POLN: variants seen among roughly 807,000 people sequenced by gnomAD.
POLN encodes DNA polymerase N.
A neutral mutation model predicts 113.5 loss-of-function variants in POLN; 108 were observed. That is an observed-to-expected ratio of 0.95 (90% CI 0.81 to 1.12). POLN has a LOEUF of 1.12. Ranked by LOEUF, POLN falls within the 50% of genes most tolerant of loss-of-function variation. The probability of loss-of-function intolerance (pLI) is 0.00; values close to 1 mark genes in which losing one functional copy is unlikely to be tolerated. For synonymous variants in POLN, 386 were observed against 391.5 expected, an observed-to-expected ratio of 0.99 and a Z score of 0.17; for missense variants, 1,097 against 1,077.1, an observed-to-expected ratio of 1.02 and a Z score of -0.26.
At chr4:2,217,000 G>C (rs1487493285) in intron 3 of POLN, among the ~76,000 whole-genome samples, 1 of 152,222 alleles carries the variant, frequency 6.6e-6, no homozygotes, top group Admixed American at 6.5e-5. Context: ...AACTGGCCAA[G>C]TCATCCTATT....
chr4:2,150,839 G>A (rs1732274925), intron 16 of POLN, among the ~76,000 whole-genome samples: 1 of 152,198 alleles, frequency 6.6e-6, no homozygotes, highest in Admixed American at 6.5e-5. Flanking sequence ...AACAGTCATA[G>A]CTCTAAATGT....
chr4:2,217,703 C>T (rs1301288076), intron 3 of POLN, among the ~76,000 whole-genome samples: 3 of 152,228 alleles, frequency 2.0e-5, no homozygotes, highest in Non-Finnish European at 4.4e-5. Context: ...CATTGAGATT[C>T]TTCTGTTGGG....
chr4:2,241,579 A>T lies in POLN; in HGVS notation c.-72T>A. The T allele has an allele frequency of 1.0e-6, 1 of 985,742 alleles. No individual in the cohort carries two copies. The highest frequency in any genetic ancestry group is 1.2e-6 in the Non-Finnish European group (1 of 830,164). 61.1% of individuals were successfully genotyped at this position (985,742 alleles called of 1,614,324 possible). A position where few individuals can be genotyped will look rare whatever the true frequency, so the allele number is the denominator to read the frequency against. ...AGTCCACCACCGCGACGCGGAGAACAGCAGGAGCAGCAGGGAAGCGCGCGG... is the reference window on the plus strand; with the variant it reads ...AGTCCACCACCGCGACGCGGAGAACTGCAGGAGCAGCAGGGAAGCGCGCGG... On this transcript the variant is annotated 5_prime_UTR_variant, in exon 2 of 26. Coordinates refer to ENST00000511885, the MANE Select transcript of POLN (RefSeq NM_181808.4).
At chr4:2,091,966 G>C (rs551566815) in intron 20 of POLN, among the ~76,000 whole-genome samples, 1 of 152,212 alleles carries the variant, frequency 6.6e-6, no homozygotes, top group South Asian at 2.1e-4. Flanking sequence ...GGGAACATGG[G>C]CTGGTCTAGC....
intron 2 of POLN, chr4:2,236,226 A>G: frequency 6.3e-7 from 1 of 1,581,044 alleles, no homozygotes; most frequent in Non-Finnish European, 8.7e-7. Flanking sequence ...GCAAATACCC[A>G]CCTGATCACT....
At chr4:2,173,875 A>T in intron 11 of POLN, 80 bp downstream of exon 11, 1 of 1,307,112 alleles carries the variant, frequency 7.7e-7, no homozygotes, top group Non-Finnish European at 1.1e-6. Flanking sequence ...AGGAGAATCT[A>T]CTCTAGACCT....
At chr4:2,169,166 GC>G (rs1732800287) in intron 13 of POLN, among the ~76,000 whole-genome samples, 1 of 152,196 alleles carries the variant, frequency 6.6e-6, no homozygotes, top group African/African-American at 2.4e-5. Flanking sequence ...GAGAGGAGGT[GC>G]CGGGCCAGGA....
chr4:2,228,483 G>A (rs1180485017), intron 3 of POLN: 3 of 193,598 alleles, frequency 1.5e-5, no homozygotes, highest in Non-Finnish European at 2.2e-5. Flanking sequence ...GACTACAGGC[G>A]CCTACCACCA....
chr4:2,093,443 T>C lies in POLN; in HGVS notation c.2065+2408A>G, dbSNP rs1730712123. Among the ~76,000 whole-genome samples the C allele has an allele frequency of 6.6e-6, 1 of 152,124 alleles. No homozygotes were observed. Among genetic ancestry groups the C allele is most frequent in the Non-Finnish European group, 1.5e-5 (1 of 67,990 alleles). ...GGCCCCATGCACCCTATGAGAGCAT[T>C]TTCCCAGGAGGAGATGGCACAGGGA... On this transcript the variant is annotated intron_variant, in intron 20 of 25. Coordinates refer to ENST00000511885, the MANE Select transcript of POLN (RefSeq NM_181808.4). The surrounding 1 kb of genome is among the most constrained non-coding windows in gnomAD (Gnocchi z 4.1).
intron 20 of POLN, chr4:2,090,617 T>C (rs1730643820): frequency 7.1e-6 from 3 of 419,952 alleles, no homozygotes; most frequent in East Asian, 6.3e-5. Flanking sequence ...TGCTGGGCCA[T>C]GACGGTGGAG....
In POLN at chr4:2,234,908, C is replaced by A. The variant is rs538501521; in HGVS notation, c.-12-5665G>T. Among the ~76,000 whole-genome samples the A allele has an allele frequency of 2.6e-5, 4 of 152,216 alleles. No individual in the cohort carries two copies. The East Asian group carries it at 7.7e-4, about 29-fold the overall frequency. ...GGAGAAATTTTCTTCTTTTTTGACA[C>A]CAAGTCTTGCTCTGTCGCCCAGGCT... On this transcript the variant is annotated intron_variant, in intron 2 of 25. Coordinates refer to ENST00000511885, the MANE Select transcript of POLN (RefSeq NM_181808.4).
At chr4:2,174,853 T>C (rs965880589) in intron 9 of POLN, 102 bp from the exon 10 acceptor site, 26 of 811,402 alleles carry the variant, frequency 3.2e-5, no homozygotes, top group Non-Finnish European at 4.9e-5. Flanking sequence ...GACAGAGTCT[T>C]GCTCTGCTGC....
chr4:2,239,058 G>T (rs749313514), intron 2 of POLN: 1 of 1,395,146 alleles, frequency 7.2e-7, no homozygotes, highest in African/African-American at 1.4e-5. Context: ...ACAAAGAAAA[G>T]CAATTACATT....
Position 2,126,726 on chromosome 4 carries a change from G to A in POLN, c.1982+1387C>T, listed in dbSNP as rs1731591355. The stretch of plus-strand genomic sequence containing the variant: ...CGGGAGGGCCCACTTGGATGAGGTA[G>A]GGGAGGGAGACACACGGACATTCGG... On this transcript the variant is annotated intron_variant, in intron 19 of 25. Transcript: ENST00000511885. This position sits in a 1 kb window ranked among gnomAD's most constrained non-coding sequence, Gnocchi z 4.6. Among the ~76,000 whole-genome samples the A allele has an allele frequency of 6.6e-6, 1 of 152,164 alleles. No individual in the cohort carries two copies. Among genetic ancestry groups the A allele is most frequent in the Admixed American group, 6.5e-5 (1 of 15,278 alleles).
At chr4:2,116,352 A>T (rs1731318152) in intron 19 of POLN, among the ~76,000 whole-genome samples, 2 of 152,064 alleles carry the variant, frequency 1.3e-5, no homozygotes, top group African/African-American at 4.8e-5. Flanking sequence ...GCATGAGAAA[A>T]TCCATGGTTT....
intron 23 of POLN, chr4:2,080,005 A>G (rs1730365647): frequency 2.0e-6 from 2 of 984,332 alleles, no homozygotes; most frequent in Non-Finnish European, 2.4e-6. Context: ...CAGTGCTTAG[A>G]CCCCCACGGG....
At position 2,127,172 on chromosome 4, in the gene POLN, G is replaced by A. The variant is rs887134685; in HGVS notation, c.1982+941C>T. Among the ~76,000 whole-genome samples, 18 of 151,360 alleles carry A rather than the reference G, an allele frequency of 1.2e-4. No individual in the cohort carries two copies. The highest frequency in any genetic ancestry group is 9.7e-5 in the African/African-American group (4 of 41,228). On this transcript the variant is annotated intron_variant, in intron 19 of 25. Coordinates refer to ENST00000511885, the MANE Select transcript of POLN (RefSeq NM_181808.4). This position sits in a 1 kb window ranked among gnomAD's most constrained non-coding sequence, Gnocchi z 4.7. ...GGCCATAGGGAGGGGTGAGGGGGCC[G>A]TAGGGGGAGCAGAAGAGGCCCAAGG...
At chr4:2,167,088 A>G (rs1382463092) in intron 13 of POLN, among the ~76,000 whole-genome samples, 2 of 152,148 alleles carry the variant, frequency 1.3e-5, no homozygotes, top group Non-Finnish European at 2.9e-5. Flanking sequence ...CAGGGCCACA[A>G]TAGTGTTTGC....
intron 2 of POLN, chr4:2,241,066 A>G (rs990416785): frequency 1.8e-5 from 13 of 716,436 alleles, no homozygotes; most frequent in African/African-American, 1.3e-4. Context: ...AAGGGAAAAT[A>G]TATTTTTAGA....
Sources: allele counts gnomAD v4.1 joint callset (sites outside exome capture counted in the v4.1 genomes callset), GRCh38; gene constraint gnomAD v4.1.1; non-coding constraint Gnocchi (gnomAD v3.1); transcripts MANE v1.5; gene names NCBI Gene and HGNC (gene_info 2026-07-23, HGNC 2026-07-21).